Variants in RPRD1A observed in about 807,000 individuals in gnomAD.
The protein encoded by RPRD1A is regulation of nuclear pre-mRNA domain containing 1A, also known as regulation of nuclear pre-mRNA domain-containing protein 1A.
A neutral mutation model predicts 37.8 loss-of-function variants in RPRD1A; 9 were observed. That is an observed-to-expected ratio of 0.24 (90% confidence interval 0.14 to 0.42). RPRD1A has a LOEUF of 0.42. RPRD1A is among the 10% of genes least tolerant of loss of function. The pLI is 1.00. For synonymous variants in RPRD1A, 138 were observed against 139.7 expected, an observed-to-expected ratio of 0.99 and a Z score of 0.08; for missense variants, 255 against 371.0, an observed-to-expected ratio of 0.69 and a Z score of 2.57.
At chr18:36,041,794 AG>A (rs1912599956) in intron 1 of RPRD1A, among the ~76,000 whole-genome samples, 1 of 152,238 alleles carries the variant, frequency 6.6e-6, no homozygotes, top group African/African-American at 2.4e-5. Context: ...GCATATCAAG[AG>A]ATGATTCTTC....
rs981438561 is a variant in RPRD1A at position 35,990,179 on chromosome 18, T to A, written c.*2972A>T. 3.9e-5 allele frequency: 6 copies of A among 152,248 alleles called. No homozygotes were observed. Among genetic ancestry groups the A allele is most frequent in the African/African-American group, 9.6e-5 (4 of 41,466 alleles). 9.4% of individuals were successfully genotyped at this position (152,248 alleles called of 1,614,324 possible). ...GTTATTTCAGATAATGTAATTTTTT[T>A]AATGAAAAATTCAGAAAGGACATTC... On this transcript the variant is annotated 3_prime_UTR_variant, in exon 7 of 7. Coordinates refer to ENST00000399022, the MANE Select transcript of RPRD1A (RefSeq NM_018170.5).
At chr18:35,998,088 G>T (rs1013107810) in intron 6 of RPRD1A, among the ~76,000 whole-genome samples, 1 of 152,238 alleles carries the variant, frequency 6.6e-6, no homozygotes, top group Admixed American at 6.5e-5. Context: ...GCTGGGCGCA[G>T]TGGCTCACGC....
chr18:36,022,382 C>T (rs190223324), intron 6 of RPRD1A, among the ~76,000 whole-genome samples: 1 of 152,280 alleles, frequency 6.6e-6, no homozygotes, highest in Admixed American at 6.5e-5. Context: ...GAAAAAAGAG[C>T]CTGGTACTGG....
chr18:36,054,038 A>G (rs912686173), intron 1 of RPRD1A, among the ~76,000 whole-genome samples: 1 of 151,048 alleles, frequency 6.6e-6, no homozygotes, highest in Admixed American at 6.6e-5. Flanking sequence ...TATGTGCACA[A>G]TGAGTTTGGG....
intron 1 of RPRD1A, chr18:36,040,870 A>C (rs779295915): frequency 7.0e-5 from 105 of 1,501,614 alleles, no homozygotes; most frequent in Non-Finnish European, 1.4e-5. Flanking sequence ...TCCACTCTAA[A>C]AGGAAGCAAT....
At chr18:35,996,401 C>CT (rs1021055450) in intron 6 of RPRD1A, among the ~76,000 whole-genome samples, 6 of 152,040 alleles carry the variant, frequency 3.9e-5, no homozygotes, top group African/African-American at 1.4e-4. Flanking sequence ...GATAAGAAAA[C>CT]TGAGGCTTTA....
intron 6 of RPRD1A, among the ~76,000 whole-genome samples, chr18:36,018,250 A>T (rs984414727): frequency 6.6e-5 from 10 of 151,928 alleles, no homozygotes; most frequent in African/African-American, 2.2e-4. Flanking sequence ...CCAATTTTAA[A>T]TATATACCTC....
At chr18:36,006,546 G>A (rs572868282) in intron 6 of RPRD1A, among the ~76,000 whole-genome samples, 1 of 152,258 alleles carries the variant, frequency 6.6e-6, no homozygotes, top group Non-Finnish European at 1.5e-5. Context: ...CACCCCCGCA[G>A]TGTATAGAAA....
chr18:36,050,245 A>AT (rs1913282650), intron 1 of RPRD1A, among the ~76,000 whole-genome samples: 1 of 151,702 alleles, frequency 6.6e-6, no homozygotes, highest in Non-Finnish European at 1.5e-5. Context: ...ATACATATTT[A>AT]TAAAAAAAAA....
intron 1 of RPRD1A, among the ~76,000 whole-genome samples, chr18:36,064,911 CGA>C (rs2078034906): frequency 1.3e-5 from 2 of 152,180 alleles, no homozygotes; most frequent in South Asian, 4.2e-4. Flanking sequence ...ACGAATCCAC[CGA>C]GAGGGACCAA....
At chr18:36,001,504 T>A (rs1909414946) in intron 6 of RPRD1A, among the ~76,000 whole-genome samples, 1 of 152,212 alleles carries the variant, frequency 6.6e-6, no homozygotes, top group South Asian at 2.1e-4. Flanking sequence ...TCATTTGTCA[T>A]AAATGTCATC....
rs28502805 is a variant in RPRD1A, at chr18:36,019,363, T to C, written c.789+7537A>G. Among the ~76,000 whole-genome samples, 645 of 152,138 alleles carry C rather than the reference T, an allele frequency of 4.2e-3. 1 individual carries two copies. The highest frequency in any genetic ancestry group is 0.015 in the African/African-American group (603 of 41,514). ...ACCTCGTCATCCACCCGCCTCAGCC[T>C]CCCAAAGTGCTGGGATTACAGGCAT... On this transcript the variant is annotated intron_variant, in intron 6 of 6. Transcript: ENST00000399022.
Position 36,027,169 on chromosome 18 carries a change from ATT to A in RPRD1A, c.613+13_613+14del. 6.2e-7 allele frequency: 1 copy of A among 1,613,472 alleles called. No homozygotes were observed. Among genetic ancestry groups the A allele is most frequent in the Non-Finnish European group, 8.5e-7 (1 of 1,179,630 alleles). Reference sequence around the variant, plus strand: ...AACTCCCAAAAAAGTTCTGGATCACATTTTCTTTTCTTACCTGTTATTTTATC... The same window carrying A: ...AACTCCCAAAAAAGTTCTGGATCACATTCTTTTCTTACCTGTTATTTTATC... On this transcript the variant is annotated intron_variant, in intron 5 of 6. Coordinates refer to ENST00000399022, the MANE Select transcript of RPRD1A (RefSeq NM_018170.5).
intron 1 of RPRD1A, among the ~76,000 whole-genome samples, chr18:36,048,063 CTTTTTTTT>C (rs1156933838): frequency 5.2e-5 from 6 of 114,472 alleles, no homozygotes; most frequent in Admixed American, 4.7e-4. Context: ...GTACCCATTC[CTTTTTTTT>C]TTTTTTTTTT....
intron 1 of RPRD1A, among the ~76,000 whole-genome samples, chr18:36,056,921 A>G (rs1913812989): frequency 6.6e-6 from 1 of 151,994 alleles, no homozygotes; most frequent in African/African-American, 2.4e-5. Context: ...AACAAACAAA[A>G]ATAAATAAAA....
At chr18:36,047,073 T>G (rs1913011047) in intron 1 of RPRD1A, among the ~76,000 whole-genome samples, 1 of 151,840 alleles carries the variant, frequency 6.6e-6, no homozygotes, top group South Asian at 2.1e-4. Context: ...ATTAAAAAAT[T>G]AGACAGGCAT....
At chr18:36,028,224 A>C (rs980786234) in intron 4 of RPRD1A, 1 of 152,064 alleles carries the variant, frequency 6.6e-6, no homozygotes. Flanking sequence ...GTATATATTA[A>C]GATTTTTAAA....
At chr18:36,029,900 G>A (rs942374566) in intron 4 of RPRD1A, among the ~76,000 whole-genome samples, 9 of 151,736 alleles carry the variant, frequency 5.9e-5, no homozygotes, top group Admixed American at 2.6e-4. Flanking sequence ...CCGCCTCCCA[G>A]GTTCACGCCA....
chr18:36,033,962 C>T (rs546053356), intron 1 of RPRD1A, 125 bp from the exon 2 acceptor site: 1 of 705,468 alleles, frequency 1.4e-6, no homozygotes, highest in Non-Finnish European at 2.2e-6. Context: ...ATCATTTCAA[C>T]CCTAGTCTCT....
Sources: gnomAD v4.1 joint callset for allele counts (sites outside exome capture counted in the v4.1 genomes callset) on GRCh38, gnomAD v4.1.1 for gene constraint, MANE v1.5 for transcripts, NCBI Gene and HGNC (gene_info 2026-07-23, HGNC 2026-07-21) for gene names.